SLC4A10: variants seen among roughly 807,000 people sequenced by gnomAD.
SLC4A10 encodes the protein solute carrier family 4 member 10.
Under a neutral mutation model 137.7 loss-of-function variants are expected in SLC4A10, and 42 were observed. The observed-to-expected ratio is 0.30, with a 90% CI of 0.24 to 0.39. SLC4A10 has a LOEUF of 0.39. SLC4A10 is among the 10% of genes least tolerant of loss of function. The probability of loss-of-function intolerance (pLI) is 1.00; values close to 1 mark genes in which losing one functional copy is unlikely to be tolerated. For missense variants in SLC4A10, 925 were observed against 1,355.0 expected (o/e 0.68, Z 4.98); for synonymous variants, 474 against 464.1 (o/e 1.02, Z -0.27).
intron 1 of SLC4A10, among the ~76,000 whole-genome samples, chr2:161,684,547 G>T (rs796518998): frequency 1.3e-5 from 2 of 152,256 alleles, no homozygotes; most frequent in South Asian, 4.2e-4. Context: ...TTTGTCTGGG[G>T]ATAGGGTATT....
At chr2:161,784,000 A>G (rs2053348002) in intron 2 of SLC4A10, among the ~76,000 whole-genome samples, 1 of 151,844 alleles carries the variant, frequency 6.6e-6, no homozygotes, top group Non-Finnish European at 1.5e-5. Context: ...TGTTATCAAG[A>G]GACTCCCTTT....
chr2:161,892,091 G>T (rs1295518745), intron 10 of SLC4A10, among the ~76,000 whole-genome samples: 1 of 152,006 alleles, frequency 6.6e-6, no homozygotes, highest in Non-Finnish European at 1.5e-5. Flanking sequence ...AGTACTATAT[G>T]ATTTAAAATT....
At chr2:161,889,602 T>G (rs2062700159) in intron 10 of SLC4A10, among the ~76,000 whole-genome samples, 1 of 152,204 alleles carries the variant, frequency 6.6e-6, no homozygotes, top group Non-Finnish European at 1.5e-5. Flanking sequence ...GATGGCAGTT[T>G]GTATTTCTGT....
intron 11 of SLC4A10, among the ~76,000 whole-genome samples, chr2:161,896,082 A>C (rs1363354979): frequency 6.6e-6 from 1 of 152,050 alleles, no homozygotes; most frequent in African/African-American, 2.4e-5. Context: ...TCTTGAATTA[A>C]TTTTTGCCTG....
At chr2:161,865,794 A>G (rs1446081231) in intron 6 of SLC4A10, among the ~76,000 whole-genome samples, 1 of 152,078 alleles carries the variant, frequency 6.6e-6, no homozygotes, top group Non-Finnish European at 1.5e-5. Flanking sequence ...ATTGAAATTA[A>G]TAGCCGTAAA....
At chr2:161,687,989 C>T (rs79874849) in intron 1 of SLC4A10, among the ~76,000 whole-genome samples, 91 of 152,296 alleles carry the variant, frequency 6.0e-4, no homozygotes, top group African/African-American at 1.8e-3. Context: ...ATACAAATAT[C>T]TACACATTAA....
intron 10 of SLC4A10, among the ~76,000 whole-genome samples, chr2:161,884,407 G>T (rs376454341): frequency 6.6e-6 from 1 of 152,042 alleles, no homozygotes; most frequent in Non-Finnish European, 1.5e-5. Flanking sequence ...GATTTTTCTC[G>T]ACAGAAAGAT....
intron 15 of SLC4A10, among the ~76,000 whole-genome samples, chr2:161,920,288 A>C (rs1477466355): frequency 1.3e-5 from 2 of 152,198 alleles, no homozygotes; most frequent in African/African-American, 2.4e-5. Context: ...ACCTCATGAC[A>C]GTAATAACTT....
chr2:161,730,627 C>T (rs2046725973), intron 1 of SLC4A10, among the ~76,000 whole-genome samples: 1 of 152,106 alleles, frequency 6.6e-6, no homozygotes, highest in Non-Finnish European at 1.5e-5. Context: ...TGAATTTGTT[C>T]AAACAAAGGT....
chr2:161,634,516 T>A (rs1350621474), intron 1 of SLC4A10, among the ~76,000 whole-genome samples: 1 of 151,920 alleles, frequency 6.6e-6, no homozygotes, highest in Non-Finnish European at 1.5e-5. Flanking sequence ...ATATTTCCTG[T>A]AGCACTTATG....
At chr2:161,885,488 C>T (rs888718083) in intron 10 of SLC4A10, among the ~76,000 whole-genome samples, 1 of 152,094 alleles carries the variant, frequency 6.6e-6, no homozygotes, top group Non-Finnish European at 1.5e-5. Context: ...TATTTTTAGA[C>T]TTATTATGAG....
At chr2:161,745,734 A>G (rs897944606) in intron 1 of SLC4A10, among the ~76,000 whole-genome samples, 1 of 152,066 alleles carries the variant, frequency 6.6e-6, no homozygotes, top group Non-Finnish European at 1.5e-5. Flanking sequence ...ATTCAAAGTG[A>G]ATTAAGGGTT....
intron 23 of SLC4A10, among the ~76,000 whole-genome samples, chr2:161,968,276 ATG>A (rs1361869037): frequency 3.9e-5 from 6 of 152,124 alleles, no homozygotes; most frequent in Non-Finnish European, 1.5e-5. Flanking sequence ...TGGTACTTAT[ATG>A]TGTGTGTGCC....
intron 1 of SLC4A10, among the ~76,000 whole-genome samples, chr2:161,631,924 A>C (rs552900797): frequency 6.6e-6 from 1 of 151,836 alleles, no homozygotes; most frequent in East Asian, 1.9e-4. Context: ...ATTAATGACA[A>C]AGTCCCTGTA....
At chr2:161,754,778 T>C (rs1189774242) in intron 1 of SLC4A10, among the ~76,000 whole-genome samples, 1 of 152,224 alleles carries the variant, frequency 6.6e-6, no homozygotes, top group African/African-American at 2.4e-5. Flanking sequence ...TATTCTTATA[T>C]ATACTTTCAT....
chr2:161,864,150 C>A (rs935565272), intron 6 of SLC4A10, among the ~76,000 whole-genome samples: 1 of 151,680 alleles, frequency 6.6e-6, no homozygotes, highest in African/African-American at 2.4e-5. Context: ...TGCAGTGAGC[C>A]GAGATCGCGC....
chr2:161,812,572 T>C (rs1188180814), intron 3 of SLC4A10, among the ~76,000 whole-genome samples: 4 of 152,056 alleles, frequency 2.6e-5, no homozygotes, highest in Non-Finnish European at 4.4e-5. Context: ...TTTATGTCCA[T>C]GAGTACCCAA....
intron 9 of SLC4A10, among the ~76,000 whole-genome samples, chr2:161,882,128 TAA>T (rs34384577): frequency 0.075 from 10,259 of 136,740 alleles, 446 homozygotes; most frequent in East Asian, 0.14. Context: ...AACACTGTGA[TAA>T]AAAAAAAAAA....
chr2:161,982,711 A>G (rs1700384929), intron 26 of SLC4A10, among the ~76,000 whole-genome samples: 1 of 152,138 alleles, frequency 6.6e-6, no homozygotes, highest in Admixed American at 6.6e-5. Flanking sequence ...GCCAAGGTAC[A>G]GTCTTCATCA....
Sources: gnomAD v4.1 joint callset for allele counts (sites outside exome capture counted in the v4.1 genomes callset) on GRCh38, gnomAD v4.1.1 for gene constraint, MANE v1.5 for transcripts, NCBI Gene and HGNC (gene_info 2026-07-23, HGNC 2026-07-21) for gene names.